The following ACAN variants were observed in gnomAD, a reference collection of about 807,000 sequenced individuals.
The protein encoded by ACAN is aggrecan, also known as aggrecan core protein.
ACAN carries 47 observed loss-of-function variants against 169.1 expected under a neutral mutation model. The ratio of observed to expected loss-of-function variants is 0.28; its 90% confidence interval spans 0.22 to 0.35. ACAN has a LOEUF of 0.35. Among genes scored for constraint, ACAN ranks in the 10% least tolerant of loss-of-function variants. ACAN has a pLI of 1.00. For missense variants in ACAN, 2,716 were observed against 2,759.9 expected, an observed-to-expected ratio of 0.98 and a Z score of 0.36; for synonymous variants, 1,115 against 1,112.2, an observed-to-expected ratio of 1.00 and a Z score of -0.05.
intron 5 of ACAN, among the ~76,000 whole-genome samples, chr15:88,842,522 CCCT>C (rs752354452): frequency 0.12 from 6,977 of 57,200 alleles, 183 homozygotes; most frequent in South Asian, 0.2. Flanking sequence ...CCCCCCTCCC[CCCT>C]ACCTGAGCAC....
At chr15:88,819,238 G>A (rs916506675) in intron 1 of ACAN, among the ~76,000 whole-genome samples, 2 of 152,186 alleles carry the variant, frequency 1.3e-5, no homozygotes, top group African/African-American at 4.8e-5. Context: ...ATCATGTCAA[G>A]GTTTTGCAGC....
At chr15:88,845,382 A>G in intron 6 of ACAN, 123 bp from the exon 7 acceptor site, 3 of 1,398,958 alleles carry the variant, frequency 2.1e-6, no homozygotes, top group Non-Finnish European at 2.9e-6. Flanking sequence ...CCTGGCACAC[A>G]GTGGTGCCCT....
rs1351463566 is a variant in ACAN, at chr15:88,858,773, C to T, written c.6188C>T (p.Thr2063Ile). Reference sequence around the variant, plus strand: ...GGCCAAAGGCCCCCTGTGACACACACACCCCAGCTTTTTGAGTCCAGTGGA... The same window carrying T: ...GGCCAAAGGCCCCCTGTGACACACATACCCCAGCTTTTTGAGTCCAGTGGA... ...ELGQRPPVTH[T>I]PQLFESSGKV... is the part of the protein sequence containing the mutation. The change falls in exon 12 of 19, where the codon ACA (threonine) becomes ATA (isoleucine). Residue 2063 changes from threonine (T) to isoleucine (I), a missense_variant. Physicochemically the swap from Thr to Ile is moderately conservative, Grantham distance 89. Transcript: ENST00000560601. This position sits in a 1 kb window ranked among gnomAD's most constrained non-coding sequence, Gnocchi z 4.0. The T allele has an allele frequency of 1.9e-6, 3 of 1,613,962 alleles. No homozygotes were observed. Among genetic ancestry groups the T allele is most frequent in the Admixed American group, 3.3e-5 (2 of 60,020 alleles).
rs774861720 is a variant in ACAN at position 88,857,704 on chromosome 15, A to C, written c.5119A>C (p.Ser1707Arg). 6.2e-7 allele frequency: 1 copy of C among 1,614,018 alleles called. No individual in the cohort carries two copies. Among genetic ancestry groups the C allele is most frequent in the South Asian group, 1.1e-5 (1 of 91,082 alleles). ...SSELDISGRASGLPSGTELSG... is the reference protein window; with the variant it reads ...SSELDISGRARGLPSGTELSG... The stretch of plus-strand genomic sequence containing the variant: ...TGAGCTGGACATTAGTGGGAGAGCT[A>C]GTGGACTCCCTTCAGGAACTGAACT... The change falls in exon 12 of 19, where the codon AGT becomes CGT. Residue 1707 changes from serine to arginine, a missense_variant. Ser to Arg is a moderately radical substitution (Grantham distance 110). This residue lies in a region of ACAN where 1,389 missense variants were observed against 1,363.7 expected (regional missense o/e 1.02). Transcript: ENST00000560601.
Position 88,843,344 on chromosome 15 carries a change from G to A in ACAN, c.758-11G>A. 2 of 1,555,918 alleles carry A rather than the reference G, an allele frequency of 1.3e-6. No homozygotes were observed. The highest frequency in any genetic ancestry group is 1.7e-6 in the Non-Finnish European group (2 of 1,145,238). On this transcript the variant is annotated splice_polypyrimidine_tract_variant and intron_variant, in intron 5 of 18. Coordinates refer to ENST00000560601, the MANE Select transcript of ACAN (RefSeq NM_001369268.1). The surrounding 1 kb of genome is among the most constrained non-coding windows in gnomAD (Gnocchi z 4.0). ...AGAAGACCCTTACCCAGCTGGCTGT[G>A]TCCTTCACAGGTGAGGTCTTTTATG...
Position 88,861,199 on chromosome 15 carries a change from CCA to C in ACAN, c.6946+761_6946+762del, listed in dbSNP as rs1000631370. ...ATCACCACCTTGAGGAAAGAAATGCCCAGTTACCACCAAGCTCATGTTCTTTC... is the reference window on the plus strand; with the variant it reads ...ATCACCACCTTGAGGAAAGAAATGCCGTTACCACCAAGCTCATGTTCTTTC... On this transcript the variant is annotated intron_variant, in intron 13 of 18. Coordinates refer to ENST00000560601, the MANE Select transcript of ACAN (RefSeq NM_001369268.1). This position sits in a 1 kb window ranked among gnomAD's most constrained non-coding sequence, Gnocchi z 6.3. Among the ~76,000 whole-genome samples, 3 of 152,092 alleles carry C rather than the reference CCA, an allele frequency of 2.0e-5. No homozygotes were observed. The highest frequency in any genetic ancestry group is 7.2e-5 in the African/African-American group (3 of 41,412).
chr15:88,844,294 C>CTA (rs1343133224), intron 6 of ACAN, among the ~76,000 whole-genome samples: 21 of 104,676 alleles, frequency 2.0e-4, no homozygotes, highest in African/African-American at 7.6e-4. Context: ...CCATGCTTTG[C>CTA]TTTTTTTTTT....
intron 1 of ACAN, among the ~76,000 whole-genome samples, chr15:88,827,459 C>T (rs1896252487): frequency 6.6e-6 from 1 of 152,252 alleles, no homozygotes; most frequent in African/African-American, 2.4e-5. Flanking sequence ...ATCAGGCTAG[C>T]ACCCATTAGT....
At chr15:88,862,413 T>C (rs146409980) in intron 13 of ACAN, among the ~76,000 whole-genome samples, 5 of 152,222 alleles carry the variant, frequency 3.3e-5, no homozygotes, top group African/African-American at 1.2e-4. Context: ...AGATCACCCA[T>C]GTACAACATC....
chr15:88,859,943 A>C (rs138351276), intron 12 of ACAN, among the ~76,000 whole-genome samples: 2 of 152,038 alleles, frequency 1.3e-5, no homozygotes, highest in Non-Finnish European at 2.9e-5. Context: ...TCATTTGGCT[A>C]TCTGGTTTTA....
chr15:88,873,778 C>A lies in ACAN; in HGVS notation c.7448-64C>A. 6.4e-7 allele frequency: 1 copy of A among 1,554,692 alleles called. No individual in the cohort carries two copies. The highest frequency in any genetic ancestry group is 8.8e-7 in the Non-Finnish European group (1 of 1,140,496). ...GTGTCCCCCACAGTGCCTCGGGTCA[C>A]AACCAGCATAGGTCATCCCAGGAGA... On this transcript the variant is annotated intron_variant, in intron 17 of 18. Transcript: ENST00000560601. The surrounding 1 kb of genome is among the most constrained non-coding windows in gnomAD (Gnocchi z 7.5).
At position 88,854,888 on chromosome 15, in the gene ACAN, C is replaced by T; in HGVS notation, c.2303C>T (p.Thr768Ile). 6.6e-7 allele frequency: 1 copy of T among 1,524,328 alleles called. No homozygotes were observed. Among genetic ancestry groups the T allele is most frequent in the Non-Finnish European group, 8.7e-7 (1 of 1,142,860 alleles). 94.4% of individuals were successfully genotyped at this position (1,524,328 alleles called of 1,614,324 possible). Residue 768 changes from threonine (T) to isoleucine (I), a missense_variant, in exon 12 of 19, where the codon ACA (threonine) becomes ATA (isoleucine). Physicochemically the swap from Thr to Ile is moderately conservative, Grantham distance 89 (BLOSUM62 -1). Coordinates refer to ENST00000560601, the MANE Select transcript of ACAN (RefSeq NM_001369268.1). ...LPTWPPTGAA[T>I]EESTEGPSAT... ...ACTTGGCCTCCCACTGGCGCAGCAACAGAGGAAAGTACAGAAGGCCCTTCT... is the reference window on the plus strand; with the variant it reads ...ACTTGGCCTCCCACTGGCGCAGCAATAGAGGAAAGTACAGAAGGCCCTTCT...
chr15:88,816,388 A>G (rs1233969208), intron 1 of ACAN, among the ~76,000 whole-genome samples: 1 of 152,188 alleles, frequency 6.6e-6, no homozygotes, highest in Non-Finnish European at 1.5e-5. Flanking sequence ...GGATTAAACA[A>G]ATGATGTATT....
chr15:88,844,698 G>A (rs1228895497), intron 6 of ACAN, among the ~76,000 whole-genome samples: 1 of 152,124 alleles, frequency 6.6e-6, no homozygotes, highest in African/African-American at 2.4e-5. Flanking sequence ...AAAGAGTAGG[G>A]GAAAGTTTGA....
At chr15:88,854,338 G>A (rs191776501) in intron 11 of ACAN, among the ~76,000 whole-genome samples, 2 of 152,178 alleles carry the variant, frequency 1.3e-5, no homozygotes, top group African/African-American at 4.8e-5. Context: ...GTCATCAGTG[G>A]GGCTGGGGTG....
intron 13 of ACAN, among the ~76,000 whole-genome samples, chr15:88,862,703 A>G (rs1308341327): frequency 1.3e-5 from 2 of 152,230 alleles, no homozygotes; most frequent in Non-Finnish European, 2.9e-5. Context: ...GGTTGTTAAA[A>G]AGACCACGGA....
Position 88,873,710 on chromosome 15 carries a change from G to A in ACAN, c.7448-132G>A, listed in dbSNP as rs570207831. 3.5e-4 allele frequency: 320 copies of A among 921,366 alleles called. No homozygotes were observed. Among genetic ancestry groups the A allele is most frequent in the Middle Eastern group, 6.5e-4 (2 of 3,060 alleles). 57.1% of individuals were successfully genotyped at this position (921,366 alleles called of 1,614,324 possible). A position where few individuals can be genotyped will look rare whatever the true frequency, so the allele number is the denominator to read the frequency against. On this transcript the variant is annotated intron_variant, in intron 17 of 18. Coordinates refer to ENST00000560601, the MANE Select transcript of ACAN (RefSeq NM_001369268.1). The surrounding 1 kb of genome is among the most constrained non-coding windows in gnomAD (Gnocchi z 7.5). ...AGCCAGCGGCTTCCAGATTCTTAGC[G>A]CTGCATGAAAACGTCCAGGGCTCAC...
chr15:88,816,460 G>A (rs1895944907), intron 1 of ACAN, among the ~76,000 whole-genome samples: 2 of 152,194 alleles, frequency 1.3e-5, no homozygotes, highest in Admixed American at 6.5e-5. Flanking sequence ...GAAAGTGTTT[G>A]AATGCCATTG....
Position 88,858,446 on chromosome 15 carries a change from CAGG to C in ACAN, c.5864_5866del (p.Gly1955del), listed in dbSNP as rs779505018. ...ACCCAGGCTCCAACAGCCCAAGAGGCAGGAGAAGGGCCTTCTGGCATTTTAGAA... is the reference window on the plus strand; with the variant it reads ...ACCCAGGCTCCAACAGCCCAAGAGGCAGAAGGGCCTTCTGGCATTTTAGAA... On this transcript the variant is annotated inframe_deletion, in exon 12 of 19. Coordinates refer to ENST00000560601, the MANE Select transcript of ACAN (RefSeq NM_001369268.1). This position sits in a 1 kb window ranked among gnomAD's most constrained non-coding sequence, Gnocchi z 4.0. 3.7e-6 allele frequency: 6 copies of C among 1,613,688 alleles called. No homozygotes were observed. The highest frequency in any genetic ancestry group is 3.3e-5 in the Admixed American group (2 of 60,030).
Sources: allele counts gnomAD v4.1 joint callset (sites outside exome capture counted in the v4.1 genomes callset), GRCh38; gene constraint gnomAD v4.1.1; regional missense constraint gnomAD v4.1.1; non-coding constraint Gnocchi (gnomAD v3.1); transcripts MANE v1.5; gene names NCBI Gene and HGNC (gene_info 2026-07-23, HGNC 2026-07-21).